CHD9: variants seen among roughly 807,000 people sequenced by gnomAD.
CHD9 encodes the protein chromodomain helicase DNA binding protein 9, also known as ATP-dependent chromatin remodeler CHD9.
A neutral mutation model predicts 316.1 loss-of-function variants in CHD9; 77 were observed. That is an observed-to-expected ratio of 0.24 (90% CI 0.20 to 0.29). The LOEUF is 0.29. CHD9 is among the 10% of genes least tolerant of loss of function. The probability of loss-of-function intolerance (pLI) is 1.00; values close to 1 mark genes in which losing one functional copy is unlikely to be tolerated. For synonymous variants in CHD9, 1,129 were observed against 1,158.3 expected, an observed-to-expected ratio of 0.97 and a Z score of 0.51; for missense variants, 2,763 against 3,438.1, an observed-to-expected ratio of 0.80 and a Z score of 4.91.
intron 2 of CHD9, among the ~76,000 whole-genome samples, chr16:53,162,442 T>C (rs1160015657): frequency 2.0e-5 from 3 of 152,222 alleles, no homozygotes; most frequent in Non-Finnish European, 4.4e-5. Context: ...TATTTTCTGC[T>C]GTCTTTATAG....
chr16:53,131,457 C>T (rs892956085), intron 1 of CHD9, among the ~76,000 whole-genome samples: 1 of 146,416 alleles, frequency 6.8e-6, no homozygotes, highest in Non-Finnish European at 1.5e-5. Flanking sequence ...GCAGGGGGCG[C>T]TGCCTGCACG....
intron 1 of CHD9, among the ~76,000 whole-genome samples, chr16:53,125,405 G>A (rs1319093063): frequency 6.6e-6 from 1 of 151,700 alleles, no homozygotes; most frequent in Non-Finnish European, 1.5e-5. Flanking sequence ...TGTATTTTTA[G>A]TAGCAATGGG....
chr16:53,298,357 AAGATACC>A (rs1479546716), intron 30 of CHD9: 2 of 152,798 alleles, frequency 1.3e-5, no homozygotes, highest in African/African-American at 2.4e-5. Flanking sequence ...GAGTGTTAGA[AAGATACC>A]AGGCTGGGCA....
At chr16:53,061,943 A>T (rs1440202390) in intron 1 of CHD9, among the ~76,000 whole-genome samples, 2 of 152,200 alleles carry the variant, frequency 1.3e-5, no homozygotes, top group African/African-American at 4.8e-5. Context: ...ACAGAGAGAG[A>T]CATGGTACCC....
chr16:53,272,385 A>G (rs1301114750), intron 22 of CHD9, among the ~76,000 whole-genome samples: 3 of 152,128 alleles, frequency 2.0e-5, no homozygotes, highest in Non-Finnish European at 2.9e-5. Context: ...ATTATAAGGA[A>G]AAATGGACAA....
intron 1 of CHD9, among the ~76,000 whole-genome samples, chr16:53,112,741 T>C (rs1376785283): frequency 6.6e-6 from 1 of 152,164 alleles, no homozygotes; most frequent in Admixed American, 6.6e-5. Flanking sequence ...AGGCCAGGCA[T>C]AGTGGCTCAC....
At chr16:53,148,329 C>T (rs1197194235) in intron 1 of CHD9, among the ~76,000 whole-genome samples, 1 of 152,188 alleles carries the variant, frequency 6.6e-6, no homozygotes, top group African/African-American at 2.4e-5. Flanking sequence ...GCAGCCTTGG[C>T]CTCCTGGGCT....
At chr16:53,145,815 A>C (rs2040528294) in intron 1 of CHD9, among the ~76,000 whole-genome samples, 1 of 152,146 alleles carries the variant, frequency 6.6e-6, no homozygotes, top group South Asian at 2.1e-4. Context: ...ATAGCAGAGC[A>C]TGCTTCATCT....
At chr16:53,284,347 G>GTGTGTATATATATATATAATATACATATT (rs1233681503) in intron 24 of CHD9, among the ~76,000 whole-genome samples, 30 of 150,642 alleles carry the variant, frequency 2.0e-4, no homozygotes, top group African/African-American at 5.8e-4. Flanking sequence ...AAATGTGTGT[G>GTGTGTATATATATATATAATATACATATT]TGTGTATATA....
intron 1 of CHD9, chr16:53,130,831 A>C (rs1185470120): frequency 6.6e-6 from 1 of 151,734 alleles, no homozygotes; most frequent in Admixed American, 6.6e-5. Flanking sequence ...GGCGGCGGTC[A>C]CGACCGCCCC....
At chr16:53,153,692 A>ATTTTT (rs920894334) in intron 1 of CHD9, among the ~76,000 whole-genome samples, 1 of 149,690 alleles carries the variant, frequency 6.7e-6, no homozygotes, top group African/African-American at 2.5e-5. Flanking sequence ...TGCCTGGCTA[A>ATTTTT]TTTTTTTTTT....
At chr16:53,142,359 C>T (rs889623739) in intron 1 of CHD9, among the ~76,000 whole-genome samples, 7 of 152,240 alleles carry the variant, frequency 4.6e-5, no homozygotes, top group Non-Finnish European at 7.3e-5. Flanking sequence ...GCCTTGCCCT[C>T]GCAAAGTGCT....
chr16:53,185,852 C>T (rs1428227975), intron 2 of CHD9, among the ~76,000 whole-genome samples: 3 of 152,184 alleles, frequency 2.0e-5, no homozygotes, highest in African/African-American at 7.2e-5. Context: ...TGGTGTTGGG[C>T]CTGCAGATGT....
intron 2 of CHD9, among the ~76,000 whole-genome samples, chr16:53,171,413 C>A (rs184553232): frequency 4.0e-5 from 6 of 151,862 alleles, no homozygotes; most frequent in African/African-American, 1.5e-4. Flanking sequence ...AGCGAGACTC[C>A]GTCTCAAAAA....
At chr16:53,140,770 T>C (rs981094710) in intron 1 of CHD9, among the ~76,000 whole-genome samples, 1 of 152,194 alleles carries the variant, frequency 6.6e-6, no homozygotes, top group African/African-American at 2.4e-5. Flanking sequence ...AAAAAATGTT[T>C]TGGAGAGACT....
At chr16:53,256,449 G>A (rs1173588423) in intron 19 of CHD9, among the ~76,000 whole-genome samples, 1 of 131,778 alleles carries the variant, frequency 7.6e-6, no homozygotes, top group Admixed American at 8.6e-5. Context: ...ACAGTGGCAC[G>A]ATCTCAGCTT....
chr16:53,279,743 A>G (rs1024555610), intron 24 of CHD9, among the ~76,000 whole-genome samples: 1 of 152,160 alleles, frequency 6.6e-6, no homozygotes, highest in Non-Finnish European at 1.5e-5. Flanking sequence ...CAGACAACCC[A>G]CAGAGTGGGA....
intron 3 of CHD9, among the ~76,000 whole-genome samples, chr16:53,212,710 G>T (rs1039974627): frequency 3.9e-5 from 6 of 152,014 alleles, no homozygotes; most frequent in African/African-American, 1.5e-4. Flanking sequence ...TGTGATAATG[G>T]GGTTAAATTC....
At chr16:53,211,244 A>G (rs2046310982) in intron 3 of CHD9, among the ~76,000 whole-genome samples, 1 of 152,176 alleles carries the variant, frequency 6.6e-6, no homozygotes, top group African/African-American at 2.4e-5. Flanking sequence ...GCTAAAGGCA[A>G]AAGATACCAG....
Sources: gnomAD v4.1 joint callset for allele counts (sites outside exome capture counted in the v4.1 genomes callset) on GRCh38, gnomAD v4.1.1 for gene constraint, MANE v1.5 for transcripts, NCBI Gene and HGNC (gene_info 2026-07-23, HGNC 2026-07-21) for gene names.